NEK4: variants seen among roughly 807,000 people sequenced by gnomAD.
NEK4 encodes NIMA related kinase 4.
Under a neutral mutation model 98.4 loss-of-function variants are expected in NEK4, and 86 were observed. The observed-to-expected ratio is 0.87, with a 90% CI of 0.73 to 1.05. The LOEUF (loss-of-function observed/expected upper bound fraction) is 1.05, where lower values mean the gene tolerates loss of function less well. Ranked by LOEUF, NEK4 falls within the 50% of genes least tolerant of loss-of-function variation. The probability of loss-of-function intolerance (pLI) is 0.00; values close to 1 mark genes in which losing one functional copy is unlikely to be tolerated. For missense variants in NEK4, 898 were observed against 950.3 expected (o/e 0.94, Z 0.72); for synonymous variants, 328 against 342.2 (o/e 0.96, Z 0.46).
chr3:52,711,865 C>T lies in NEK4; in HGVS notation c.2438G>A (p.Arg813His), dbSNP rs182485847. Residue 813 changes from arginine to histidine, a missense_variant, in exon 16 of 16, where the codon CGT (arginine) becomes CAT (histidine). Coordinates refer to ENST00000233027, the MANE Select transcript of NEK4 (RefSeq NM_003157.6). ...CTTTTCACCCATGTGCTCCCGCAAA[C>T]GTACCTATTTGAGAAACAAAAAGAA... The part of the protein sequence containing the change: ...EEEDEFDREV[R>H]LREHMGEKYT... 3.8e-4 allele frequency: 600 copies of T among 1,583,252 alleles called. 1 individual carries two copies. Among genetic ancestry groups the T allele is most frequent in the Middle Eastern group, 1.5e-3 (9 of 5,992 alleles).
intron 6 of NEK4, chr3:52,754,342 T>A (rs1312627592): frequency 7.8e-6 from 3 of 386,504 alleles, no homozygotes; most frequent in Non-Finnish European, 1.6e-5. Context: ...TAACCAAATT[T>A]GGCAAGTACT....
Position 52,739,623 on chromosome 3 carries a change from G to C in NEK4, c.2105C>G (p.Thr702Arg), listed in dbSNP as rs2097382420. ...TTGTACCAAGGCATTAATTTCATTT[G>C]TCTGACCTTTCCTGGGGGAAAAAAA... ...DGDYGEGKGQ[T>R]NEINALVQLM... Residue 702 changes from threonine to arginine, a missense_variant, in exon 14 of 16, where the codon ACA becomes AGA. Physicochemically the swap from Thr to Arg is moderately conservative, Grantham distance 71. Coordinates refer to ENST00000233027, the MANE Select transcript of NEK4 (RefSeq NM_003157.6). The C allele has an allele frequency of 6.2e-7, 1 of 1,613,080 alleles. No individual in the cohort carries two copies. Among genetic ancestry groups the C allele is most frequent in the Non-Finnish European group, 8.5e-7 (1 of 1,179,188 alleles).
chr3:52,734,957 AT>A, intron 15 of NEK4: 1 of 201,464 alleles, frequency 5.0e-6, no homozygotes. Flanking sequence ...AACCAAGAGG[AT>A]TTGGCCCTGT....
At chr3:52,763,989 C>G (rs978810436) in intron 4 of NEK4, among the ~76,000 whole-genome samples, 8 of 152,292 alleles carry the variant, frequency 5.3e-5, no homozygotes, top group Admixed American at 3.9e-4. Context: ...ATGCATTCTT[C>G]TTATAAAAAC....
chr3:52,768,571 A>T lies in NEK4; in HGVS notation c.127T>A (p.Ser43Thr), dbSNP rs1698667000. The change falls in exon 2 of 16, where the codon TCT becomes ACT. Residue 43 changes from serine to threonine, a missense_variant. Ser to Thr is a moderately conservative substitution (Grantham distance 58). Coordinates refer to ENST00000233027, the MANE Select transcript of NEK4 (RefSeq NM_003157.6). ...TCAGCAGCTCGCCGCTCTCGGCTAG[A>T]GGCATTTCGGAGGTTCAGTTTTTTG... Reference protein sequence around the residue: ...VIKKLNLRNASSRERRAAEQE... With the variant: ...VIKKLNLRNATSRERRAAEQE... 6.2e-7 allele frequency: 1 copy of T among 1,614,072 alleles called. No individual in the cohort carries two copies. The highest frequency in any genetic ancestry group is 8.5e-7 in the Non-Finnish European group (1 of 1,180,020).
chr3:52,733,227 GC>G, intron 15 of NEK4: 1 of 240,964 alleles, frequency 4.2e-6, no homozygotes. Flanking sequence ...GTCTTTAGTT[GC>G]AATCCACACC....
At chr3:52,765,826 T>C in intron 4 of NEK4, 61 bp downstream of exon 4, 1 of 971,314 alleles carries the variant, frequency 1.0e-6, no homozygotes, top group South Asian at 1.4e-5. Context: ...ATTTTGCTAG[T>C]AGCTATTTAT....
Position 52,717,406 on chromosome 3 carries a change from C to CAA in NEK4, c.2434-5539_2434-5538dup, listed in dbSNP as rs34559317. On this transcript the variant is annotated intron_variant, in intron 15 of 15. Coordinates refer to ENST00000233027, the MANE Select transcript of NEK4 (RefSeq NM_003157.6). ...TGGGTGACAAAGCAAGACTCCATCT[C>CAA]AAAAAAAAAAAAAAAAAATTATGGG... is the stretch of plus-strand genomic sequence containing the variant. Among the ~76,000 whole-genome samples, 730 of 83,676 alleles carry CAA rather than the reference C, an allele frequency of 8.7e-3. 6 individuals carry two copies. The highest frequency in any genetic ancestry group is 0.029 in the African/African-American group (688 of 23,570). The allele number at this position is 83,676 out of a possible 152,430, so 54.9% of individuals were successfully genotyped here. A position where few individuals can be genotyped will look rare whatever the true frequency, so the allele number is the denominator to read the frequency against.
At position 52,768,373 on chromosome 3, in the gene NEK4, C is replaced by T. The variant is rs1452390905; in HGVS notation, c.325G>A (p.Val109Ile). The T allele has an allele frequency of 1.9e-6, 3 of 1,614,178 alleles. No individual in the cohort carries two copies. The highest frequency in any genetic ancestry group is 2.5e-6 in the Non-Finnish European group (3 of 1,180,010). ...KGQLLPENQVVEWFVQIAMAL... is the reference protein window; with the variant it reads ...KGQLLPENQVIEWFVQIAMAL... ...ATGGCGATCTGTACAAACCACTCTA[C>T]CACCTGATTCTCAGGCAGAAGCTGC... Residue 109 changes from valine to isoleucine, a missense_variant, in exon 2 of 16, where the codon GTA (valine) becomes ATA (isoleucine). Transcript: ENST00000233027.
chr3:52,756,274 G>A (rs545194866), intron 6 of NEK4, among the ~76,000 whole-genome samples: 1 of 152,222 alleles, frequency 6.6e-6, no homozygotes, highest in South Asian at 2.1e-4. Context: ...AATCTCAAGG[G>A]ATCCCAAATA....
Position 52,752,929 on chromosome 3 carries a change from T to C in NEK4, c.964-593A>G, listed in dbSNP as rs1339376664. On this transcript the variant is annotated intron_variant, in intron 6 of 15. Coordinates refer to ENST00000233027, the MANE Select transcript of NEK4 (RefSeq NM_003157.6). The stretch of plus-strand genomic sequence containing the variant: ...AAAAAAAAAAAAAAATATATATATA[T>C]ATATACACACACACACACACACACA... Among the ~76,000 whole-genome samples the C allele has an allele frequency of 2.8e-3, 138 of 49,568 alleles. 2 individuals are homozygous for C. The highest frequency in any genetic ancestry group is 8.6e-3 in the African/African-American group (122 of 14,244). 32.5% of individuals were successfully genotyped at this position (49,568 alleles called of 152,430 possible).
chr3:52,748,029 G>A (rs527894646), intron 8 of NEK4, among the ~76,000 whole-genome samples: 29 of 151,864 alleles, frequency 1.9e-4, no homozygotes, highest in South Asian at 4.1e-4. Flanking sequence ...GCGCGATCTC[G>A]GCTCACTGCA....
At chr3:52,734,899 G>T in intron 15 of NEK4, 1 of 232,464 alleles carries the variant, frequency 4.3e-6, no homozygotes, top group Non-Finnish European at 8.5e-6. Context: ...GCCAGTCTTA[G>T]AATATTACCA....
At chr3:52,752,954 A>ACACACACACACACACACACACACACACAC (rs1315107149) in intron 6 of NEK4, among the ~76,000 whole-genome samples, 1 of 137,386 alleles carries the variant, frequency 7.3e-6, no homozygotes, top group African/African-American at 2.8e-5. Flanking sequence ...ACACACACAC[A>ACACACACACACACACACACACACACACAC]ATGGAATATT....
At chr3:52,721,523 T>C (rs1035473092) in intron 15 of NEK4, among the ~76,000 whole-genome samples, 2 of 150,458 alleles carry the variant, frequency 1.3e-5, no homozygotes, top group Non-Finnish European at 3.0e-5. Flanking sequence ...AGCCCAGGAG[T>C]TCAAGACCCG....
intron 15 of NEK4, among the ~76,000 whole-genome samples, chr3:52,719,099 A>C (rs560231751): frequency 2.8e-4 from 42 of 152,276 alleles, no homozygotes; most frequent in Middle Eastern, 3.4e-3. Context: ...CCAAAGGAGG[A>C]GTACTCTTAA....
intron 15 of NEK4, among the ~76,000 whole-genome samples, chr3:52,716,308 A>G (rs897643053): frequency 6.6e-6 from 1 of 152,160 alleles, no homozygotes. Flanking sequence ...CACCCCAAAG[A>G]TCTCATAACA....
At chr3:52,762,186 A>G (rs1039621521) in intron 5 of NEK4, among the ~76,000 whole-genome samples, 1 of 152,228 alleles carries the variant, frequency 6.6e-6, no homozygotes, top group Admixed American at 6.5e-5. Context: ...TAGTAAAGGT[A>G]GGATCTGCAA....
chr3:52,744,128 A>T (rs2154104201), intron 11 of NEK4, 111 bp downstream of exon 11: 2 of 777,374 alleles, frequency 2.6e-6, no homozygotes, highest in East Asian at 4.9e-5. Context: ...GATTTCCTAC[A>T]TGTTTTACTG....
Sources: gnomAD v4.1 joint callset for allele counts (sites outside exome capture counted in the v4.1 genomes callset) on GRCh38, gnomAD v4.1.1 for gene constraint, MANE v1.5 for transcripts, NCBI Gene and HGNC (gene_info 2026-07-23, HGNC 2026-07-21) for gene names.